The following ADCK1 variants were observed in gnomAD, a reference collection of about 807,000 sequenced individuals.
ADCK1 encodes aarF domain-containing protein kinase 1.
Under a neutral mutation model 52.3 loss-of-function variants are expected in ADCK1, and 41 were observed. The observed-to-expected ratio is 0.78, with a 90% CI of 0.61 to 1.02. The LOEUF (loss-of-function observed/expected upper bound fraction) is 1.02. ADCK1 is among the 50% of genes least tolerant of loss of function. The pLI, the probability that ADCK1 is intolerant of heterozygous loss-of-function variation, is 0.00. For synonymous variants in ADCK1, 250 were observed against 274.6 expected, an observed-to-expected ratio of 0.91 and a Z score of 0.89; for missense variants, 658 against 679.5, an observed-to-expected ratio of 0.97 and a Z score of 0.35.
chr14:77,868,382 A>G (rs562980281), intron 4 of ADCK1, among the ~76,000 whole-genome samples: 6 of 152,314 alleles, frequency 3.9e-5, no homozygotes, highest in South Asian at 2.1e-4. Context: ...CAATCGAGCA[A>G]TCGGGCTGGG....
At chr14:77,821,893 A>AG (rs2081591530) in intron 2 of ADCK1, among the ~76,000 whole-genome samples, 1 of 149,498 alleles carries the variant, frequency 6.7e-6, no homozygotes, top group Non-Finnish European at 1.5e-5. Context: ...CTGTCTCAGA[A>AG]AAAAAAAAAA....
intron 4 of ADCK1, among the ~76,000 whole-genome samples, chr14:77,862,341 C>G (rs2082568121): frequency 6.6e-6 from 1 of 152,100 alleles, no homozygotes; most frequent in Non-Finnish European, 1.5e-5. Flanking sequence ...CCTTGACTGC[C>G]CTTGGGGCTG....
intron 7 of ADCK1, among the ~76,000 whole-genome samples, chr14:77,914,010 G>T (rs1010526743): frequency 3.9e-5 from 6 of 152,192 alleles, no homozygotes; most frequent in Non-Finnish European, 5.9e-5. Context: ...GTCGGGTGGG[G>T]ATCTAGGGGT....
intron 9 of ADCK1, among the ~76,000 whole-genome samples, chr14:77,926,576 G>T (rs1054790586): frequency 2.6e-5 from 4 of 152,218 alleles, no homozygotes; most frequent in Non-Finnish European, 5.9e-5. Context: ...TGCCTCCGGG[G>T]TTCAAGCGAT....
rs572024703 is a variant in ADCK1, at chr14:77,927,091, G to A, written c.1206+1130G>A. Among the ~76,000 whole-genome samples, 4 of 152,246 alleles carry A rather than the reference G, an allele frequency of 2.6e-5. No homozygotes were observed. The South Asian group carries it at 8.3e-4, about 32-fold the overall frequency. On this transcript the variant is annotated intron_variant, in intron 9 of 10. Transcript: ENST00000238561. ...TCTTCCTTACAGTGTGACCTTGGGT[G>A]GTCCTCATCACCTCTTTGAGCCTCA... is the stretch of plus-strand genomic sequence containing the variant.
At chr14:77,897,343 G>A (rs1342447187) in intron 5 of ADCK1, among the ~76,000 whole-genome samples, 3 of 152,154 alleles carry the variant, frequency 2.0e-5, no homozygotes, top group Non-Finnish European at 4.4e-5. Flanking sequence ...CTATGTCCCT[G>A]GTATCACCCT....
intron 2 of ADCK1, 68 bp from the exon 3 acceptor site, chr14:77,822,367 A>G (rs2081601856): frequency 7.6e-7 from 1 of 1,309,812 alleles, no homozygotes; most frequent in Non-Finnish European, 1.1e-6. Flanking sequence ...CTGTACTGCA[A>G]GGTTTGGGCA....
intron 4 of ADCK1, among the ~76,000 whole-genome samples, chr14:77,878,998 C>T (rs2082960968): frequency 6.6e-6 from 1 of 152,012 alleles, no homozygotes; most frequent in African/African-American, 2.4e-5. Flanking sequence ...TGTTTATCTG[C>T]TTTTTATTAA....
At chr14:77,841,255 G>A (rs2082059758) in intron 3 of ADCK1, among the ~76,000 whole-genome samples, 2 of 152,096 alleles carry the variant, frequency 1.3e-5, no homozygotes, top group African/African-American at 2.4e-5. Flanking sequence ...TAGAGTGAAC[G>A]ATAGGGCATG....
chr14:77,852,879 G>GTA (rs1420463258), intron 3 of ADCK1, among the ~76,000 whole-genome samples: 2 of 30,606 alleles, frequency 6.5e-5, no homozygotes, highest in African/African-American at 2.6e-4. Flanking sequence ...AATCTTTTAT[G>GTA]TGTGTATATA....
intron 3 of ADCK1, among the ~76,000 whole-genome samples, chr14:77,839,127 T>G (rs923460589): frequency 6.6e-6 from 1 of 152,048 alleles, no homozygotes; most frequent in Non-Finnish European, 1.5e-5. Flanking sequence ...GGAGATAAAA[T>G]GTAGTCATGG....
At chr14:77,802,584 T>C (rs1425650534) in intron 1 of ADCK1, among the ~76,000 whole-genome samples, 1 of 151,320 alleles carries the variant, frequency 6.6e-6, no homozygotes, top group East Asian at 2.0e-4. Flanking sequence ...CCGGGATTCC[T>C]TTATTTAATC....
In ADCK1 at chr14:77,933,300, A is replaced by C; in HGVS notation, c.1481A>C (p.Asn494Thr). 1 of 1,614,026 alleles carries C rather than the reference A, an allele frequency of 6.2e-7. No individual in the cohort carries two copies. Among genetic ancestry groups the C allele is most frequent in the Non-Finnish European group, 8.5e-7 (1 of 1,180,014 alleles). The part of the protein sequence containing the change: ...FSEAFNLWQI[N>T]LHELILRVKG... ...GAGGCCTTCAACTTATGGCAGATCA[A>C]CCTCCATGAGCTCATCCTGCGTGTG... The change falls in exon 11 of 11, where the codon AAC becomes ACC. Residue 494 changes from asparagine to threonine, a missense_variant. By Grantham distance (65) the Asn-to-Thr change is moderately conservative (BLOSUM62 0). Transcript: ENST00000238561.
intron 3 of ADCK1, among the ~76,000 whole-genome samples, chr14:77,846,537 G>T (rs1202173306): frequency 6.6e-6 from 1 of 152,164 alleles, no homozygotes; most frequent in African/African-American, 2.4e-5. Flanking sequence ...CTTGTGATGG[G>T]CAGGTGGCTC....
At chr14:77,868,079 C>T (rs1272975721) in intron 4 of ADCK1, among the ~76,000 whole-genome samples, 1 of 152,232 alleles carries the variant, frequency 6.6e-6, no homozygotes, top group Admixed American at 6.5e-5. Context: ...TTAACAAATA[C>T]TGACTCTGTT....
chr14:77,927,947 G>C (rs1413906924), intron 9 of ADCK1, among the ~76,000 whole-genome samples: 2 of 152,188 alleles, frequency 1.3e-5, no homozygotes, highest in African/African-American at 2.4e-5. Flanking sequence ...AGATGCCCAG[G>C]CTTGCTCTTT....
intron 4 of ADCK1, among the ~76,000 whole-genome samples, chr14:77,862,299 G>A (rs1410814755): frequency 6.6e-6 from 1 of 152,184 alleles, no homozygotes; most frequent in Non-Finnish European, 1.5e-5. Context: ...CCTCGTTCTG[G>A]ACTGGGTCAG....
At position 77,934,958 on chromosome 14, in the gene ADCK1, T is replaced by G. The variant is rs2140313063; in HGVS notation, c.*1567T>G. 1.3e-5 allele frequency: 2 copies of G among 152,372 alleles called. No homozygotes were observed. The highest frequency in any genetic ancestry group is 4.1e-4 in the South Asian group (2 of 4,824). The allele number at this position is 152,372 out of a possible 1,614,324, so 9.4% of individuals were successfully genotyped here. On this transcript the variant is annotated 3_prime_UTR_variant, in exon 11 of 11. Coordinates refer to ENST00000238561, the MANE Select transcript of ADCK1 (RefSeq NM_020421.4). ...TCTTGAGGATGTGTGCTGCATAGTA[T>G]ATTTTATGGTGTCTTTTATAGCCAC...
chr14:77,924,398 A>T, intron 7 of ADCK1, 59 bp from the exon 8 acceptor site: 1 of 1,590,904 alleles, frequency 6.3e-7, no homozygotes, highest in South Asian at 1.1e-5. Context: ...GACCAGACAG[A>T]GGTCCCTCGG....
Sources: allele counts gnomAD v4.1 joint callset (sites outside exome capture counted in the v4.1 genomes callset), GRCh38; gene constraint gnomAD v4.1.1; transcripts MANE v1.5; gene names NCBI Gene and HGNC (gene_info 2026-07-23, HGNC 2026-07-21).